Variants in RBFOX1 observed in about 807,000 individuals in gnomAD.
The protein encoded by RBFOX1 is RNA binding fox-1 homolog 1.
RBFOX1 carries 8 observed loss-of-function variants against 57.7 expected under a neutral mutation model. That is an observed-to-expected ratio of 0.14 (90% confidence interval 0.08 to 0.25). The LOEUF (loss-of-function observed/expected upper bound fraction) is 0.25. RBFOX1 is among the 10% of genes least tolerant of loss of function. The pLI, the probability that RBFOX1 is intolerant of heterozygous loss-of-function variation, is 1.00. For missense variants in RBFOX1, 611 were observed against 548.5 expected (o/e 1.11, Z -1.14); for synonymous variants, 326 against 222.4 (o/e 1.47, Z -4.15).
chr16:6,787,726 A>G lies in RBFOX1; in HGVS notation c.-16+133076A>G, dbSNP rs78677604. ...CATTGATTACTCTAAACCAAGCTGC[A>G]AATGAGCACAGAGCTTCTGCTGGCT... On this transcript the variant is annotated intron_variant, in intron 3 of 15. Transcript: ENST00000550418. 4.3e-3 allele frequency among the ~76,000 whole-genome samples: 660 copies of G among 152,308 alleles called. 4 individuals are homozygous for G. The highest frequency in any genetic ancestry group is 0.015 in the African/African-American group (644 of 41,576).
intron 2 of RBFOX1, among the ~76,000 whole-genome samples, chr16:6,451,935 C>T (rs904795568): frequency 4.5e-5 from 6 of 134,412 alleles, no homozygotes; most frequent in Middle Eastern, 6.3e-3. Flanking sequence ...CTTCCATGAC[C>T]CCTCCCTCCC....
At chr16:5,460,792 C>T (rs953900636) in intron 1 of RBFOX1, among the ~76,000 whole-genome samples, 67 of 152,182 alleles carry the variant, frequency 4.4e-4, no homozygotes, top group African/African-American at 4.3e-4. Context: ...GATTCACATT[C>T]GAGGAAGGCA....
intron 2 of RBFOX1, among the ~76,000 whole-genome samples, chr16:5,494,435 G>C (rs1000609078): frequency 6.6e-6 from 1 of 152,188 alleles, no homozygotes; most frequent in Non-Finnish European, 1.5e-5. Flanking sequence ...CACATGCCTG[G>C]AATTTGGCAA....
Position 7,459,231 on chromosome 16 carries a change from A to T in RBFOX1, c.28-58916A>T, listed in dbSNP as rs142309716. Reference sequence around the variant, plus strand: ...GGCCTTGGGTTTTAACATCAGTAGTAATCTCTACTTTCTAGACATTGAGTT... The same window carrying T: ...GGCCTTGGGTTTTAACATCAGTAGTTATCTCTACTTTCTAGACATTGAGTT... On this transcript the variant is annotated intron_variant, in intron 4 of 15. Transcript: ENST00000550418. Among the ~76,000 whole-genome samples, 689 of 152,268 alleles carry T rather than the reference A, an allele frequency of 4.5e-3. 8 individuals are homozygous for T. The highest frequency in any genetic ancestry group is 0.016 in the African/African-American group (659 of 41,548).
intron 2 of RBFOX1, among the ~76,000 whole-genome samples, chr16:6,380,454 C>A (rs2091692168): frequency 4.0e-5 from 4 of 101,170 alleles, no homozygotes; most frequent in East Asian, 6.7e-4. Flanking sequence ...TTTAGTAGAA[C>A]TCAGCAGCTT....
At chr16:5,348,728 C>A (rs555718380) in intron 1 of RBFOX1, among the ~76,000 whole-genome samples, 10 of 152,154 alleles carry the variant, frequency 6.6e-5, no homozygotes, top group African/African-American at 2.2e-4. Flanking sequence ...AATGAGGACC[C>A]CTTTTCTGGG....
intron 2 of RBFOX1, among the ~76,000 whole-genome samples, chr16:6,419,494 C>G (rs1329317891): frequency 2.0e-5 from 3 of 152,158 alleles, no homozygotes; most frequent in Non-Finnish European, 4.4e-5. Flanking sequence ...AGACAATAAG[C>G]AAAAGTTAAT....
chr16:6,521,384 C>T (rs1040348919), intron 2 of RBFOX1, among the ~76,000 whole-genome samples: 17 of 151,560 alleles, frequency 1.1e-4, no homozygotes, highest in Non-Finnish European at 2.1e-4. Context: ...TTAAACCTTT[C>T]CTTCCCTCTC....
At chr16:6,582,611 A>G (rs1282835940) in intron 2 of RBFOX1, among the ~76,000 whole-genome samples, 1 of 152,084 alleles carries the variant, frequency 6.6e-6, no homozygotes, top group Non-Finnish European at 1.5e-5. Context: ...AAATGATGAC[A>G]TCGTAGATCC....
intron 1 of RBFOX1, among the ~76,000 whole-genome samples, chr16:5,386,224 G>A (rs1371708669): frequency 6.6e-6 from 1 of 152,026 alleles, no homozygotes; most frequent in East Asian, 1.9e-4. Context: ...TGATGGGGAT[G>A]GAGTGGAGGT....
intron 3 of RBFOX1, among the ~76,000 whole-genome samples, chr16:6,664,249 T>C (rs1441853817): frequency 6.6e-6 from 1 of 152,200 alleles, no homozygotes; most frequent in Admixed American, 6.5e-5. Context: ...TTCTGCATTT[T>C]ACATCCTATG....
At chr16:5,308,220 A>C (rs1288004170) in intron 1 of RBFOX1, among the ~76,000 whole-genome samples, 1 of 152,078 alleles carries the variant, frequency 6.6e-6, no homozygotes, top group Non-Finnish European at 1.5e-5. Context: ...AGGCGCCTGT[A>C]ATCCCAGCTA....
chr16:6,650,631 C>T (rs76019310), intron 2 of RBFOX1, among the ~76,000 whole-genome samples: 2,939 of 152,322 alleles, frequency 0.019, 93 homozygotes, highest in African/African-American at 0.062. Flanking sequence ...GGTTCAGTCC[C>T]ACTTGACTGA....
At chr16:6,815,508 A>G (rs958980573) in intron 3 of RBFOX1, among the ~76,000 whole-genome samples, 1 of 152,190 alleles carries the variant, frequency 6.6e-6, no homozygotes, top group African/African-American at 2.4e-5. Flanking sequence ...TTATATTTCT[A>G]AATTGTCACT....
intron 4 of RBFOX1, among the ~76,000 whole-genome samples, chr16:7,127,096 C>T (rs889836650): frequency 6.6e-6 from 1 of 150,822 alleles, no homozygotes; most frequent in Non-Finnish European, 1.5e-5. Flanking sequence ...ACAGCTATGA[C>T]TGAGGGGAGC....
intron 2 of RBFOX1, among the ~76,000 whole-genome samples, chr16:6,642,065 G>C (rs1430435946): frequency 6.6e-6 from 1 of 152,128 alleles, no homozygotes; most frequent in Non-Finnish European, 1.5e-5. Context: ...GCTGTCTGAG[G>C]GTGCAGCTAC....
chr16:6,400,716 G>A (rs183257311), intron 2 of RBFOX1, among the ~76,000 whole-genome samples: 62 of 152,156 alleles, frequency 4.1e-4, no homozygotes, highest in Middle Eastern at 6.8e-3. Context: ...TGGCCAACAC[G>A]GTGAAACCCT....
intron 11 of RBFOX1, among the ~76,000 whole-genome samples, chr16:7,633,820 G>A (rs1331937955): frequency 6.6e-6 from 1 of 152,174 alleles, no homozygotes; most frequent in African/African-American, 2.4e-5. Flanking sequence ...ACACATTGCT[G>A]CGGTTTCCTT....
chr16:6,035,558 A>T (rs190239985), intron 1 of RBFOX1, among the ~76,000 whole-genome samples: 4 of 152,154 alleles, frequency 2.6e-5, no homozygotes, highest in Admixed American at 2.6e-4. Context: ...CTTATATATT[A>T]TACAGCTTTT....
Sources: allele counts gnomAD v4.1 joint callset (sites outside exome capture counted in the v4.1 genomes callset), GRCh38; gene constraint gnomAD v4.1.1; transcripts MANE v1.5; gene names NCBI Gene and HGNC (gene_info 2026-07-23, HGNC 2026-07-21).